Variants in NOVA1 observed in about 807,000 individuals in gnomAD.
The protein encoded by NOVA1 is RNA-binding protein Nova-1.
In NOVA1, 7 loss-of-function variants were observed where a neutral mutation model predicts 38.0. The observed-to-expected ratio is 0.18, with a 90% CI of 0.10 to 0.35. The LOEUF (loss-of-function observed/expected upper bound fraction) is 0.35. NOVA1 is among the 10% of genes least tolerant of loss of function. NOVA1 has a pLI of 1.00. For missense variants in NOVA1, 460 were observed against 616.0 expected, an observed-to-expected ratio of 0.75 and a Z score of 2.68; for synonymous variants, 270 against 232.5, an observed-to-expected ratio of 1.16 and a Z score of -1.47.
chr14:26,569,616 C>A (rs1197966795), intron 2 of NOVA1, among the ~76,000 whole-genome samples: 1 of 151,926 alleles, frequency 6.6e-6, no homozygotes, highest in Non-Finnish European at 1.5e-5. Context: ...TTCTGTTTAC[C>A]ACAGAAAGCA....
chr14:26,585,928 T>C (rs1335638981), intron 2 of NOVA1, among the ~76,000 whole-genome samples: 1 of 151,408 alleles, frequency 6.6e-6, no homozygotes, highest in African/African-American at 2.4e-5. Flanking sequence ...AAACTAAAGA[T>C]GGACTGCCTT....
rs990923732 is a variant in NOVA1, at chr14:26,472,344, G to A, written c.495C>T (p.Pro165=). The change falls in exon 4 of 5, where the codon CCC becomes CCT. Residue 165 remains proline, a synonymous_variant. Coordinates refer to ENST00000539517, the MANE Select transcript of NOVA1 (RefSeq NM_002515.3). ...CCTGATTAGCTCTGGAGGTGGTCAT[G>A]GGATCAGATGGAGAGGACTTGGTGG... ...PTTTKSSPSD[P]MTTSRANQVK... 1.9e-6 allele frequency: 3 copies of A among 1,594,574 alleles called. No homozygotes were observed. Among genetic ancestry groups the A allele is most frequent in the Non-Finnish European group, 2.6e-6 (3 of 1,167,898 alleles).
intron 2 of NOVA1, among the ~76,000 whole-genome samples, chr14:26,523,630 A>G (rs1045476107): frequency 6.6e-6 from 1 of 151,804 alleles, no homozygotes; most frequent in African/African-American, 2.4e-5. Flanking sequence ...AACAATCAGT[A>G]TGGTTGTATA....
chr14:26,461,753 A>C (rs1046205977), intron 4 of NOVA1, among the ~76,000 whole-genome samples: 1 of 140,576 alleles, frequency 7.1e-6, no homozygotes, highest in East Asian at 2.2e-4. Flanking sequence ...ACATGGAGAA[A>C]GCCCATCTTT....
At chr14:26,483,657 T>C in intron 2 of NOVA1, among the ~76,000 whole-genome samples, 1 of 152,192 alleles carries the variant, frequency 6.6e-6, no homozygotes, top group Non-Finnish European at 1.5e-5. Context: ...ATGATGTACC[T>C]AAAAGTAGTT....
chr14:26,596,270 G>A (rs1420700473), intron 1 of NOVA1, among the ~76,000 whole-genome samples: 1 of 152,126 alleles, frequency 6.6e-6, no homozygotes, highest in African/African-American at 2.4e-5. Flanking sequence ...ATACTAAAAA[G>A]CTTAGGAGTC....
At chr14:26,579,853 G>A (rs903359712) in intron 2 of NOVA1, among the ~76,000 whole-genome samples, 6 of 152,004 alleles carry the variant, frequency 3.9e-5, no homozygotes, top group Non-Finnish European at 7.4e-5. Context: ...GACCTTGACA[G>A]AGCCAATATC....
At chr14:26,584,565 C>A (rs944275357) in intron 2 of NOVA1, among the ~76,000 whole-genome samples, 2 of 151,328 alleles carry the variant, frequency 1.3e-5, no homozygotes, top group Non-Finnish European at 3.0e-5. Context: ...GTACAGATAT[C>A]TATAGTGCCT....
At position 26,534,628 on chromosome 14, in the gene NOVA1, A is replaced by G. The variant is rs892467261; in HGVS notation, c.281-54485T>C. On this transcript the variant is annotated intron_variant, in intron 2 of 4. Transcript: ENST00000539517. ...ATAGTATAAAATTAATAATTATTCT[A>G]TATGGGCAGGCTGAATAAAGGTCAC... Among the ~76,000 whole-genome samples the G allele has an allele frequency of 4.6e-5, 7 of 152,308 alleles. 1 individual carries two copies. The highest frequency in any genetic ancestry group is 1.7e-4 in the African/African-American group (7 of 41,586).
chr14:26,482,987 C>T (rs1427415498), intron 2 of NOVA1, among the ~76,000 whole-genome samples: 4 of 152,116 alleles, frequency 2.6e-5, no homozygotes, highest in African/African-American at 7.2e-5. Context: ...TGAGCCACCA[C>T]GCCCGGCTTA....
At chr14:26,590,506 T>C (rs1050313081) in intron 2 of NOVA1, among the ~76,000 whole-genome samples, 8 of 151,892 alleles carry the variant, frequency 5.3e-5, no homozygotes, top group African/African-American at 1.9e-4. Flanking sequence ...AGTCAATAAA[T>C]GTCATTTGTG....
intron 2 of NOVA1, among the ~76,000 whole-genome samples, chr14:26,537,892 T>G (rs1321447777): frequency 1.3e-5 from 2 of 152,134 alleles, no homozygotes; most frequent in East Asian, 3.9e-4. Context: ...AGCTCCTCTA[T>G]GGATATGACA....
At chr14:26,507,827 A>T (rs181512127) in intron 2 of NOVA1, among the ~76,000 whole-genome samples, 163 of 152,202 alleles carry the variant, frequency 1.1e-3, no homozygotes, top group Non-Finnish European at 1.6e-3. Flanking sequence ...ATCTTAAAAA[A>T]CCACTCAAAA....
chr14:26,569,814 C>A (rs990491290), intron 2 of NOVA1, among the ~76,000 whole-genome samples: 1 of 152,172 alleles, frequency 6.6e-6, no homozygotes, highest in Non-Finnish European at 1.5e-5. Context: ...CAAATCTTTA[C>A]TTCTTCAACA....
chr14:26,491,371 A>G (rs1886335077), intron 2 of NOVA1, among the ~76,000 whole-genome samples: 1 of 152,106 alleles, frequency 6.6e-6, no homozygotes, highest in African/African-American at 2.4e-5. Flanking sequence ...TTATTTTCAA[A>G]CATTTTCTCT....
intron 2 of NOVA1, among the ~76,000 whole-genome samples, chr14:26,507,919 CTGCTGAA>C (rs1450708201): frequency 6.6e-6 from 1 of 151,718 alleles, no homozygotes; most frequent in Non-Finnish European, 1.5e-5. Flanking sequence ...AAAAAACAGG[CTGCTGAA>C]AAGAATAAAC....
intron 2 of NOVA1, among the ~76,000 whole-genome samples, chr14:26,530,974 GAA>G: frequency 6.6e-6 from 1 of 152,248 alleles, no homozygotes; most frequent in East Asian, 1.9e-4. Context: ...CAAGTACTGT[GAA>G]GAGACATTAA....
chr14:26,448,094 G>A lies in NOVA1; in HGVS notation c.1389C>T (p.Phe463=), dbSNP rs769569205. Residue 463 remains phenylalanine, a synonymous_variant, in exon 5 of 5, where the codon TTC becomes TTT. Transcript: ENST00000539517. This position sits in a 1 kb window ranked among gnomAD's most constrained non-coding sequence, Gnocchi z 5.3. ...CCTTCCGATTCCTTGTGCCAGGTAC[G>A]AATTCTCCTTTTTTGGAGATCTGTA... ...ARIQISKKGE[F]VPGTRNRKVT... 4 of 1,614,126 alleles carry A rather than the reference G, an allele frequency of 2.5e-6. No individual in the cohort carries two copies. The highest frequency in any genetic ancestry group is 1.1e-5 in the South Asian group (1 of 91,088).
chr14:26,533,945 T>G (rs1214058425), intron 2 of NOVA1, among the ~76,000 whole-genome samples: 1 of 152,206 alleles, frequency 6.6e-6, no homozygotes, highest in Non-Finnish European at 1.5e-5. Flanking sequence ...ATAAGCTCTG[T>G]GCTCAGACTG....
Sources: allele counts gnomAD v4.1 joint callset (sites outside exome capture counted in the v4.1 genomes callset), GRCh38; gene constraint gnomAD v4.1.1; non-coding constraint Gnocchi (gnomAD v3.1); transcripts MANE v1.5; gene names NCBI Gene and HGNC (gene_info 2026-07-23, HGNC 2026-07-21).